Variants in CHCHD6 observed in about 807,000 individuals in gnomAD.
CHCHD6 encodes MICOS complex subunit MIC25.
In CHCHD6, 28 loss-of-function variants were observed where a neutral mutation model predicts 32.3. The ratio of observed to expected loss-of-function variants is 0.87; its 90% confidence interval spans 0.64 to 1.19. The LOEUF is 1.19. CHCHD6 is among the 50% of genes most tolerant of loss of function. CHCHD6 has a pLI of 0.00. For synonymous variants in CHCHD6, 122 were observed against 117.5 expected (o/e 1.04, Z -0.25); for missense variants, 333 against 307.0 (o/e 1.08, Z -0.63).
intron 5 of CHCHD6, among the ~76,000 whole-genome samples, chr3:126,873,735 G>A (rs2077506471): frequency 6.6e-6 from 1 of 152,212 alleles, no homozygotes; most frequent in Non-Finnish European, 1.5e-5. Context: ...GACCAGCCAT[G>A]GCTCCCTTTG....
intron 4 of CHCHD6, among the ~76,000 whole-genome samples, chr3:126,778,569 G>C (rs912339231): frequency 2.6e-5 from 4 of 152,124 alleles, no homozygotes. Flanking sequence ...CTTTTTTGGA[G>C]AAATGTCTAT....
chr3:126,794,482 C>T (rs974796398), intron 4 of CHCHD6, among the ~76,000 whole-genome samples: 1 of 150,160 alleles, frequency 6.7e-6, no homozygotes, highest in Non-Finnish European at 1.5e-5. Context: ...TTTACATTAT[C>T]CATTAAATCC....
intron 5 of CHCHD6, among the ~76,000 whole-genome samples, chr3:126,913,772 T>C (rs754600842): frequency 2.2e-4 from 34 of 152,366 alleles, no homozygotes; most frequent in Non-Finnish European, 4.1e-4. Context: ...GATGCGTTAA[T>C]GTCAGTCTCC....
At chr3:126,766,637 GC>G in intron 4 of CHCHD6, 3 of 1,029,988 alleles carry the variant, frequency 2.9e-6, no homozygotes, top group Non-Finnish European at 1.5e-6. Flanking sequence ...TCGGTGATGG[GC>G]CCCAGCTATG....
At chr3:126,896,239 C>A (rs968156170) in intron 5 of CHCHD6, among the ~76,000 whole-genome samples, 3 of 152,146 alleles carry the variant, frequency 2.0e-5, no homozygotes, top group African/African-American at 7.2e-5. Context: ...TCTTCCCTTG[C>A]CTTGGGCAAC....
chr3:126,888,870 G>A (rs1473947885), intron 5 of CHCHD6, among the ~76,000 whole-genome samples: 2 of 152,214 alleles, frequency 1.3e-5, no homozygotes, highest in Non-Finnish European at 2.9e-5. Flanking sequence ...TCCGCTCTGG[G>A]GAGAAAGTGG....
intron 3 of CHCHD6, among the ~76,000 whole-genome samples, chr3:126,731,126 A>G (rs1173890092): frequency 1.5e-5 from 2 of 136,798 alleles, no homozygotes; most frequent in Non-Finnish European, 3.2e-5. Context: ...AAAAAAAAAA[A>G]TCATTTAAAA....
rs769880612 is a variant in CHCHD6 at position 126,852,635 on chromosome 3, T to C, written c.412-12T>C. ...CTGCTGGCTAACGTGGGCTTTGTTC[T>C]CTTCCAAGCAGGCCAGGGAGCTGGA... On this transcript the variant is annotated splice_polypyrimidine_tract_variant and intron_variant, in intron 4 of 7. Coordinates refer to ENST00000290913, the MANE Select transcript of CHCHD6 (RefSeq NM_032343.3). 3.1e-6 allele frequency: 5 copies of C among 1,611,476 alleles called. No homozygotes were observed. The African/African-American group carries it at 6.7e-5, about 22-fold the overall frequency.
chr3:126,719,098 T>C (rs1025433528), intron 1 of CHCHD6, among the ~76,000 whole-genome samples: 1 of 152,208 alleles, frequency 6.6e-6, no homozygotes, highest in Non-Finnish European at 1.5e-5. Context: ...TCAGATCAGA[T>C]GTGAATGCTT....
intron 4 of CHCHD6, among the ~76,000 whole-genome samples, chr3:126,734,113 C>T (rs1254790901): frequency 6.6e-6 from 1 of 152,206 alleles, no homozygotes; most frequent in African/African-American, 2.4e-5. Flanking sequence ...AAGCTCCTGG[C>T]AGAATTCCTC....
intron 6 of CHCHD6, among the ~76,000 whole-genome samples, chr3:126,922,622 CGTGT>C (rs10544737): frequency 0.033 from 4,836 of 146,548 alleles, 222 homozygotes; most frequent in African/African-American, 0.1. Context: ...CAGCCCACCA[CGTGT>C]GTGTGTGTGT....
intron 5 of CHCHD6, among the ~76,000 whole-genome samples, chr3:126,889,257 C>T (rs2077722827): frequency 6.6e-6 from 1 of 152,172 alleles, no homozygotes; most frequent in East Asian, 1.9e-4. Flanking sequence ...GTGTGGTCTT[C>T]AGCCTGAAGG....
chr3:126,887,160 C>G (rs1416161076), intron 5 of CHCHD6, among the ~76,000 whole-genome samples: 2 of 152,130 alleles, frequency 1.3e-5, no homozygotes, highest in Non-Finnish European at 2.9e-5. Context: ...AAGCCATCAC[C>G]TGATAGTCAG....
chr3:126,801,939 T>C (rs1389969931), intron 4 of CHCHD6, among the ~76,000 whole-genome samples: 2 of 152,210 alleles, frequency 1.3e-5, no homozygotes, highest in Non-Finnish European at 2.9e-5. Flanking sequence ...CCGCTGCTGA[T>C]ACCCAGGCAA....
At position 126,766,744 on chromosome 3, in the gene CHCHD6, G is replaced by A. The variant is rs1489514697; in HGVS notation, c.411+33522G>A. On this transcript the variant is annotated intron_variant, in intron 4 of 7. Transcript: ENST00000290913. Reference sequence around the variant, plus strand: ...GTCCTGCACTGCTTTTGGGTATGTGGTAGATTCACGGGAGGTGTTGGTGGC... The same window carrying A: ...GTCCTGCACTGCTTTTGGGTATGTGATAGATTCACGGGAGGTGTTGGTGGC... 3.2e-5 allele frequency: 37 copies of A among 1,154,682 alleles called. 1 individual carries two copies. In the Middle Eastern group the frequency reaches 1.1e-3, roughly 35 times the overall value. 71.5% of individuals were successfully genotyped at this position (1,154,682 alleles called of 1,614,324 possible).
intron 4 of CHCHD6, among the ~76,000 whole-genome samples, chr3:126,795,610 C>G (rs1312506343): frequency 6.6e-6 from 1 of 152,094 alleles, no homozygotes; most frequent in Non-Finnish European, 1.5e-5. Flanking sequence ...TTTGGTTTGG[C>G]TTTTTGGAAA....
intron 5 of CHCHD6, among the ~76,000 whole-genome samples, chr3:126,892,109 G>A (rs778083946): frequency 6.6e-6 from 1 of 152,166 alleles, no homozygotes; most frequent in Non-Finnish European, 1.5e-5. Flanking sequence ...CCTCGGCTCT[G>A]AGCAAGACAC....
At chr3:126,797,956 T>A (rs569256355) in intron 4 of CHCHD6, among the ~76,000 whole-genome samples, 6 of 152,338 alleles carry the variant, frequency 3.9e-5, no homozygotes, top group Admixed American at 6.5e-5. Context: ...TGGGAGTTGA[T>A]GAATGATCTC....
At chr3:126,875,471 A>G (rs2077528243) in intron 5 of CHCHD6, among the ~76,000 whole-genome samples, 1 of 152,248 alleles carries the variant, frequency 6.6e-6, no homozygotes, top group South Asian at 2.1e-4. Context: ...TGCTACAGTG[A>G]TGGAGTGGCA....
Sources: allele counts gnomAD v4.1 joint callset (sites outside exome capture counted in the v4.1 genomes callset), GRCh38; gene constraint gnomAD v4.1.1; transcripts MANE v1.5; gene names NCBI Gene and HGNC (gene_info 2026-07-23, HGNC 2026-07-21).